Variants in BFSP2 observed in about 807,000 individuals in gnomAD.
The protein encoded by BFSP2 is phakinin.
A neutral mutation model predicts 44.9 loss-of-function variants in BFSP2; 38 were observed. The observed-to-expected ratio is 0.85, with a 90% confidence interval of 0.65 to 1.11. The LOEUF (loss-of-function observed/expected upper bound fraction) is 1.11, where lower values mean the gene tolerates loss of function less well. Among genes scored for constraint, BFSP2 ranks in the 50% least tolerant of loss-of-function variants. The pLI, the probability that BFSP2 is intolerant of heterozygous loss-of-function variation, is 0.00. For synonymous variants in BFSP2, 197 were observed against 209.9 expected (o/e 0.94, Z 0.53); for missense variants, 525 against 533.0 (o/e 0.99, Z 0.15).
At chr3:133,413,272 C>T (rs1259648520) in intron 1 of BFSP2, among the ~76,000 whole-genome samples, 1 of 151,824 alleles carries the variant, frequency 6.6e-6, no homozygotes, top group Non-Finnish European at 1.5e-5. Flanking sequence ...TTCAGAACTC[C>T]ACGGAAGCAA....
chr3:133,400,396 C>G lies in BFSP2; in HGVS notation c.313C>G (p.His105Asp). The G allele has an allele frequency of 6.8e-6, 11 of 1,614,046 alleles. No individual in the cohort carries two copies. The highest frequency in any genetic ancestry group is 8.5e-6 in the Non-Finnish European group (10 of 1,180,030). ...GCCGGCTCCAGGTTTGGAGAGGGACCATGGTGCTGTTGAGGACCTAGGGGG... is the reference window on the plus strand; with the variant it reads ...GCCGGCTCCAGGTTTGGAGAGGGACGATGGTGCTGTTGAGGACCTAGGGGG... ...TVPAPGLERD[H>D]GAVEDLGGCL... is the part of the protein sequence containing the mutation. Residue 105 changes from histidine to aspartate, a missense_variant, in exon 1 of 7, where the codon CAT becomes GAT. Coordinates refer to ENST00000302334, the MANE Select transcript of BFSP2 (RefSeq NM_003571.4). This position sits in a 1 kb window ranked among gnomAD's most constrained non-coding sequence, Gnocchi z 4.0.
chr3:133,419,230 C>G (rs2073571251), intron 1 of BFSP2, among the ~76,000 whole-genome samples: 1 of 152,156 alleles, frequency 6.6e-6, no homozygotes, highest in Non-Finnish European at 1.5e-5. Context: ...TCTTTAAAGA[C>G]CCTTTCTCCA....
At chr3:133,466,541 G>T (rs1326753724) in intron 4 of BFSP2, among the ~76,000 whole-genome samples, 1 of 151,602 alleles carries the variant, frequency 6.6e-6, no homozygotes, top group East Asian at 1.9e-4. Context: ...AAATTAGCCA[G>T]GCCTGGTGGC....
At chr3:133,440,078 T>C (rs1000354588) in intron 1 of BFSP2, among the ~76,000 whole-genome samples, 1 of 152,180 alleles carries the variant, frequency 6.6e-6, no homozygotes, top group Admixed American at 6.5e-5. Context: ...CTCACAATCA[T>C]GGCAGAAGGC....
At position 133,401,403 on chromosome 3, in the gene BFSP2, A is replaced by T. The variant is rs573926281; in HGVS notation, c.489+831A>T. Reference sequence around the variant, plus strand: ...GAGGAATTGCATTTTTATTTTATCTAATTTTCATTAATTTAAATGTAAACA... The same window carrying T: ...GAGGAATTGCATTTTTATTTTATCTTATTTTCATTAATTTAAATGTAAACA... On this transcript the variant is annotated intron_variant, in intron 1 of 6. Coordinates refer to ENST00000302334, the MANE Select transcript of BFSP2 (RefSeq NM_003571.4). Among the ~76,000 whole-genome samples, 5 of 152,348 alleles carry T rather than the reference A, an allele frequency of 3.3e-5. No homozygotes were observed. The South Asian group carries it at 1.0e-3, about 32-fold the overall frequency.
At chr3:133,471,855 G>A (rs1398446847) in intron 5 of BFSP2, among the ~76,000 whole-genome samples, 1 of 152,174 alleles carries the variant, frequency 6.6e-6, no homozygotes, top group Non-Finnish European at 1.5e-5. Flanking sequence ...ATCTGGGAAA[G>A]AAAGCTGGAG....
At chr3:133,435,281 CTT>C (rs1300498810) in intron 1 of BFSP2, among the ~76,000 whole-genome samples, 1 of 152,172 alleles carries the variant, frequency 6.6e-6, no homozygotes, top group Admixed American at 6.5e-5. Flanking sequence ...TCAAAACACT[CTT>C]ATAATAAGCA....
chr3:133,428,034 T>C (rs946111633), intron 1 of BFSP2, among the ~76,000 whole-genome samples: 10 of 152,178 alleles, frequency 6.6e-5, no homozygotes, highest in African/African-American at 2.4e-4. Context: ...GTTGAAGTGA[T>C]AGAGACAAAA....
intron 5 of BFSP2, among the ~76,000 whole-genome samples, chr3:133,471,069 G>A (rs1414546348): frequency 6.6e-6 from 1 of 152,152 alleles, no homozygotes; most frequent in East Asian, 1.9e-4. Context: ...TGTAGGGTGG[G>A]GATAAAGATG....
chr3:133,448,589 A>C lies in BFSP2; in HGVS notation c.673A>C (p.Ser225Arg). The change falls in exon 3 of 7, where the codon AGT becomes CGT. Residue 225 changes from serine to arginine, a missense_variant. Transcript: ENST00000302334. ...EANLTKMDLESQIESLKEELG... is the reference protein window; with the variant it reads ...EANLTKMDLERQIESLKEELG... The stretch of plus-strand genomic sequence containing the variant: ...TAATTTGACTAAAATGGACCTGGAG[A>C]GTCAAATAGAAAGTCTGAAAGAAGA... The C allele has an allele frequency of 6.2e-7, 1 of 1,614,098 alleles. No homozygotes were observed. Among genetic ancestry groups the C allele is most frequent in the Non-Finnish European group, 8.5e-7 (1 of 1,180,004 alleles).
At chr3:133,467,080 G>C in intron 5 of BFSP2, 121 bp downstream of exon 5, 3 of 1,364,412 alleles carry the variant, frequency 2.2e-6, no homozygotes, top group Non-Finnish European at 3.1e-6. Context: ...TGAGTTTTGA[G>C]GCCTGAAATG....
At chr3:133,411,951 T>C (rs2073458210) in intron 1 of BFSP2, among the ~76,000 whole-genome samples, 1 of 152,092 alleles carries the variant, frequency 6.6e-6, no homozygotes, top group Admixed American at 6.5e-5. Flanking sequence ...AATTAAAAAA[T>C]ATATTAGACA....
At chr3:133,461,995 C>CCTAG (rs2074068306) in intron 4 of BFSP2, among the ~76,000 whole-genome samples, 4 of 152,174 alleles carry the variant, frequency 2.6e-5, no homozygotes, top group African/African-American at 9.7e-5. Flanking sequence ...TAGTTATCCT[C>CCTAG]TACCCACTGC....
At chr3:133,472,844 G>A (rs1018925370) in intron 6 of BFSP2, among the ~76,000 whole-genome samples, 1 of 151,982 alleles carries the variant, frequency 6.6e-6, no homozygotes, top group Non-Finnish European at 1.5e-5. Flanking sequence ...TACCTAGGAC[G>A]TACATAATAG....
intron 1 of BFSP2, among the ~76,000 whole-genome samples, chr3:133,442,038 A>AAG (rs2073850095): frequency 6.6e-6 from 1 of 152,190 alleles, no homozygotes; most frequent in Non-Finnish European, 1.5e-5. Context: ...GGAGCAATGG[A>AAG]AGAGTAACAA....
intron 4 of BFSP2, among the ~76,000 whole-genome samples, chr3:133,456,616 T>A (rs116088828): frequency 0.027 from 4,167 of 152,154 alleles, 112 homozygotes; most frequent in East Asian, 0.074. Flanking sequence ...TGTGGTGACA[T>A]GTGCCTGCAG....
At chr3:133,461,492 C>T (rs1028383988) in intron 4 of BFSP2, among the ~76,000 whole-genome samples, 1 of 152,134 alleles carries the variant, frequency 6.6e-6, no homozygotes, top group Non-Finnish European at 1.5e-5. Flanking sequence ...AACAACTGCA[C>T]CGGGCAACAA....
At chr3:133,438,172 A>G (rs898219244) in intron 1 of BFSP2, among the ~76,000 whole-genome samples, 1 of 152,222 alleles carries the variant, frequency 6.6e-6, no homozygotes, top group Non-Finnish European at 1.5e-5. Flanking sequence ...AGAAGTCAGT[A>G]AACGATGTCT....
rs552219458 is a variant in BFSP2, at chr3:133,433,271, G to A, written c.490-14046G>A. 1.4e-3 allele frequency among the ~76,000 whole-genome samples: 209 copies of A among 152,194 alleles called. 1 individual carries two copies. The highest frequency in any genetic ancestry group is 4.9e-3 in the African/African-American group (202 of 41,488). ...CCCTGATCACACTTAGTTTTTTGAT[G>A]GCAGTTCCACCAGGCCTAATCGCCA... On this transcript the variant is annotated intron_variant, in intron 1 of 6. Transcript: ENST00000302334.
Sources: allele counts gnomAD v4.1 joint callset (sites outside exome capture counted in the v4.1 genomes callset), GRCh38; gene constraint gnomAD v4.1.1; non-coding constraint Gnocchi (gnomAD v3.1); transcripts MANE v1.5; gene names NCBI Gene and HGNC (gene_info 2026-07-23, HGNC 2026-07-21).